Variants in DOCK8 observed in about 807,000 individuals in gnomAD.
DOCK8 encodes the protein dedicator of cytokinesis protein 8.
Under a neutral mutation model 245.6 loss-of-function variants are expected in DOCK8, and 141 were observed. The observed-to-expected ratio is 0.57, with a 90% CI of 0.50 to 0.66. DOCK8 has a LOEUF of 0.66. Ranked by LOEUF, DOCK8 falls within the 30% of genes least tolerant of loss-of-function variation. The pLI is 0.00. For synonymous variants in DOCK8, 1,168 were observed against 970.2 expected (o/e 1.20, Z -3.79); for missense variants, 2,965 against 2,603.4 (o/e 1.14, Z -3.02).
chr9:409,318 G>A (rs2055598649), intron 28 of DOCK8, among the ~76,000 whole-genome samples: 1 of 152,162 alleles, frequency 6.6e-6, no homozygotes, highest in Non-Finnish European at 1.5e-5. Context: ...CAAGCATTTA[G>A]AAATTGTCTA....
At chr9:412,085 G>A (rs962018142) in intron 28 of DOCK8, among the ~76,000 whole-genome samples, 1 of 151,976 alleles carries the variant, frequency 6.6e-6, no homozygotes, top group Non-Finnish European at 1.5e-5. Flanking sequence ...TTCTATCTAG[G>A]GCAATTAGGC....
At chr9:297,440 GA>G (rs1356509688) in intron 4 of DOCK8, among the ~76,000 whole-genome samples, 3 of 152,206 alleles carry the variant, frequency 2.0e-5, no homozygotes. Flanking sequence ...AGTGTTTTAA[GA>G]AAAGGAATGC....
intron 11 of DOCK8, among the ~76,000 whole-genome samples, chr9:335,221 C>T (rs901221817): frequency 6.6e-6 from 1 of 152,094 alleles, no homozygotes; most frequent in Admixed American, 6.6e-5. Flanking sequence ...ATTTCTTTTT[C>T]GTCATCTCAC....
chr9:391,954 C>T (rs1010782662), intron 24 of DOCK8, among the ~76,000 whole-genome samples: 31 of 150,412 alleles, frequency 2.1e-4, no homozygotes, highest in African/African-American at 7.1e-4. Context: ...GCCTGGCCAA[C>T]GTGACAAAAC....
intron 1 of DOCK8, among the ~76,000 whole-genome samples, chr9:238,344 A>G (rs1036069040): frequency 2.0e-5 from 3 of 152,234 alleles, no homozygotes; most frequent in African/African-American, 7.2e-5. Flanking sequence ...AGACATATTA[A>G]TGAAACATCT....
intron 29 of DOCK8, 116 bp from the exon 30 acceptor site, chr9:417,952 G>T: frequency 1.5e-6 from 2 of 1,319,990 alleles, no homozygotes; most frequent in African/African-American, 2.9e-5. Context: ...CTAAACATCA[G>T]GTTTGAAATT....
At chr9:383,700 C>CAAAAAA (rs1164310899) in intron 22 of DOCK8, among the ~76,000 whole-genome samples, 14 of 69,860 alleles carry the variant, frequency 2.0e-4, no homozygotes, top group Admixed American at 4.3e-4. Context: ...GACTCCGTCT[C>CAAAAAA]AAAAAAAAAA....
At chr9:375,214 G>C (rs1321929318) in intron 18 of DOCK8, among the ~76,000 whole-genome samples, 1 of 152,132 alleles carries the variant, frequency 6.6e-6, no homozygotes, top group African/African-American at 2.4e-5. Flanking sequence ...TCCATCCCCT[G>C]TACACATCTA....
intron 39 of DOCK8, among the ~76,000 whole-genome samples, chr9:437,896 T>C (rs1406328712): frequency 6.6e-6 from 1 of 152,254 alleles, no homozygotes; most frequent in African/African-American, 2.4e-5. Flanking sequence ...TTCCTCTGAC[T>C]ACAGCTAATG....
At chr9:446,739 T>G (rs575766850) in intron 44 of DOCK8, 133 bp downstream of exon 44, 26 of 810,512 alleles carry the variant, frequency 3.2e-5, no homozygotes, top group Non-Finnish European at 5.2e-5. Context: ...ATTATATGGT[T>G]GTCCTTTCAC....
intron 29 of DOCK8, among the ~76,000 whole-genome samples, chr9:415,692 G>GCACACACACA (rs140525484): frequency 6.0e-5 from 9 of 150,978 alleles, no homozygotes; most frequent in African/African-American, 1.9e-4. Context: ...GTGCGCGCGT[G>GCACACACACA]CACACACACA....
At chr9:270,108 C>T (rs768895527) in intron 1 of DOCK8, among the ~76,000 whole-genome samples, 1 of 152,204 alleles carries the variant, frequency 6.6e-6, no homozygotes, top group African/African-American at 2.4e-5. Flanking sequence ...ATTTGATCTG[C>T]ATTTCCCATT....
At chr9:295,601 A>G (rs1406950190) in intron 4 of DOCK8, among the ~76,000 whole-genome samples, 1 of 152,218 alleles carries the variant, frequency 6.6e-6, no homozygotes, top group African/African-American at 2.4e-5. Flanking sequence ...CTGGAGGACC[A>G]TACTTAGTGA....
At chr9:430,065 C>T (rs1287904313) in intron 36 of DOCK8, among the ~76,000 whole-genome samples, 1 of 152,128 alleles carries the variant, frequency 6.6e-6, no homozygotes, top group Admixed American at 6.6e-5. Flanking sequence ...TGGTCTCTAT[C>T]AGTGTGTTTC....
chr9:259,931 A>C (rs1385376562), intron 1 of DOCK8, among the ~76,000 whole-genome samples: 1 of 152,240 alleles, frequency 6.6e-6, no homozygotes, highest in African/African-American at 2.4e-5. Flanking sequence ...TGGTGCTCAG[A>C]GTGAGAGAGA....
In DOCK8 at chr9:435,332, T is replaced by C. The variant is rs116293789; in HGVS notation, c.5079+357T>C. Among the ~76,000 whole-genome samples, 309 of 152,310 alleles carry C rather than the reference T, an allele frequency of 2.0e-3. 1 individual carries two copies. Among genetic ancestry groups the C allele is most frequent in the African/African-American group, 7.0e-3 (290 of 41,544 alleles). Reference sequence around the variant, plus strand: ...CACCTAGCCATTATTAATAGCACTTTAGGAGACATTTGCAAACACTTTCAC... The same window carrying C: ...CACCTAGCCATTATTAATAGCACTTCAGGAGACATTTGCAAACACTTTCAC... On this transcript the variant is annotated intron_variant, in intron 39 of 47. Coordinates refer to ENST00000432829, the MANE Select transcript of DOCK8 (RefSeq NM_203447.4).
chr9:252,575 G>C (rs1040490271), intron 1 of DOCK8, among the ~76,000 whole-genome samples: 4 of 151,948 alleles, frequency 2.6e-5, no homozygotes, highest in Non-Finnish European at 4.4e-5. Context: ...GGCCGAGGCG[G>C]GCAGATCACC....
intron 1 of DOCK8, among the ~76,000 whole-genome samples, chr9:251,605 G>A (rs1810309055): frequency 6.6e-6 from 1 of 152,212 alleles, no homozygotes; most frequent in Non-Finnish European, 1.5e-5. Context: ...ACATTTTCCA[G>A]TAGGGCTATC....
chr9:354,245 T>A (rs368299885), intron 14 of DOCK8, among the ~76,000 whole-genome samples: 48 of 152,224 alleles, frequency 3.2e-4, no homozygotes, highest in African/African-American at 7.2e-4. Context: ...GGCAGGAGAA[T>A]CACTTGAACC....
Sources: allele counts gnomAD v4.1 joint callset (sites outside exome capture counted in the v4.1 genomes callset), GRCh38; gene constraint gnomAD v4.1.1; transcripts MANE v1.5; gene names NCBI Gene and HGNC (gene_info 2026-07-23, HGNC 2026-07-21).